The following SMIM31 variants were observed in gnomAD, a reference collection of about 807,000 sequenced individuals.
SMIM31 encodes human epithelial cell program regulator.
chr4:164,799,366 C>A (rs532271054), intron 2 of SMIM31, among the ~76,000 whole-genome samples: 2 of 152,028 alleles, frequency 1.3e-5, no homozygotes, highest in South Asian at 4.2e-4. Flanking sequence ...GCCTGGGCAA[C>A]AGAGCAAGCC....
chr4:164,776,243 A>G (rs556823371), intron 2 of SMIM31, among the ~76,000 whole-genome samples: 199 of 152,218 alleles, frequency 1.3e-3, no homozygotes, highest in African/African-American at 4.7e-3. Context: ...TTAATATTTC[A>G]CTAATTTGGT....
chr4:164,772,555 C>T (rs10002762), intron 2 of SMIM31, among the ~76,000 whole-genome samples: 110,687 of 151,262 alleles, frequency 0.73, 40,691 homozygotes, highest in East Asian at 0.96. Context: ...AGCAAGGACA[C>T]TGAAGTTTTA....
chr4:164,800,542 G>A (rs1237050603), intron 2 of SMIM31, among the ~76,000 whole-genome samples: 1 of 152,040 alleles, frequency 6.6e-6, no homozygotes, highest in Non-Finnish European at 1.5e-5. Context: ...ATATTAACTA[G>A]TGCCTAAGAA....
intron 2 of SMIM31, among the ~76,000 whole-genome samples, chr4:164,772,437 A>G (rs1732816959): frequency 6.6e-6 from 1 of 152,228 alleles, no homozygotes; most frequent in Non-Finnish European, 1.5e-5. Context: ...AACCGTTATC[A>G]GGAGCCTTCC....
Position 164,772,648 on chromosome 4 carries a change from G to C in SMIM31, c.112+2093G>C, listed in dbSNP as rs548973879. Among the ~76,000 whole-genome samples the C allele has an allele frequency of 8.7e-5, 13 of 150,074 alleles. No homozygotes were observed. The South Asian group carries it at 2.3e-3, about 27-fold the overall frequency. On this transcript the variant is annotated intron_variant, in intron 2 of 2. Coordinates refer to ENST00000507311, the MANE Select transcript of SMIM31 (RefSeq NM_001352885.1). ...GGCTGGAGTGCAGTGGCGCGATCTCGACTCACTGCAAGCTCCGCCTCCCGG... is the reference window on the plus strand; with the variant it reads ...GGCTGGAGTGCAGTGGCGCGATCTCCACTCACTGCAAGCTCCGCCTCCCGG...
intron 2 of SMIM31, among the ~76,000 whole-genome samples, chr4:164,770,916 T>C (rs957076189): frequency 2.0e-5 from 3 of 152,160 alleles, no homozygotes; most frequent in Admixed American, 1.3e-4. Context: ...ATGGTAACCA[T>C]AGTTACCATA....
At position 164,760,308 on chromosome 4, in the gene SMIM31, G is replaced by A. The variant is rs141633689; in HGVS notation, c.-26+5897G>A. ...ATCTTAAAATGCTGTCTTAAGGGTAGAAAGAAAAGCAAAGGGAGACATTGA... is the reference window on the plus strand; with the variant it reads ...ATCTTAAAATGCTGTCTTAAGGGTAAAAAGAAAAGCAAAGGGAGACATTGA... On this transcript the variant is annotated intron_variant, in intron 1 of 2. Coordinates refer to ENST00000507311, the MANE Select transcript of SMIM31 (RefSeq NM_001352885.1). Among the ~76,000 whole-genome samples, 26 of 152,290 alleles carry A rather than the reference G, an allele frequency of 1.7e-4. No individual in the cohort carries two copies. In the East Asian group the frequency reaches 5.0e-3, roughly 29 times the overall value.
chr4:164,792,609 G>A (rs181276724), intron 2 of SMIM31, among the ~76,000 whole-genome samples: 7 of 152,050 alleles, frequency 4.6e-5, no homozygotes, highest in East Asian at 1.9e-4. Flanking sequence ...TTAATTTTTT[G>A]TTTAACATTA....
chr4:164,797,227 TA>T (rs1391218395), intron 2 of SMIM31, among the ~76,000 whole-genome samples: 1 of 152,208 alleles, frequency 6.6e-6, no homozygotes, highest in Admixed American at 6.5e-5. Context: ...TGCAAAGTTT[TA>T]TTTTTTTATA....
chr4:164,771,681 C>T (rs934556346), intron 2 of SMIM31, among the ~76,000 whole-genome samples: 1 of 152,024 alleles, frequency 6.6e-6, no homozygotes, highest in African/African-American at 2.4e-5. Flanking sequence ...TGGTAGCACG[C>T]ACCTGTAGCT....
intron 2 of SMIM31, among the ~76,000 whole-genome samples, chr4:164,797,711 G>A (rs934142283): frequency 1.3e-4 from 19 of 151,958 alleles, no homozygotes; most frequent in African/African-American, 2.9e-4. Flanking sequence ...TGATCAGCCC[G>A]CCTAGGCCCC....
intron 1 of SMIM31, among the ~76,000 whole-genome samples, chr4:164,763,239 C>A (rs1732675516): frequency 6.6e-6 from 1 of 152,130 alleles, no homozygotes; most frequent in Admixed American, 6.5e-5. Context: ...AAAACACAAA[C>A]CCTTCCCTGA....
chr4:164,757,462 C>T (rs1334933337), intron 1 of SMIM31, among the ~76,000 whole-genome samples: 2 of 151,780 alleles, frequency 1.3e-5, no homozygotes, highest in Non-Finnish European at 2.9e-5. Context: ...TATTAATTTC[C>T]ATGTCCTATC....
chr4:164,797,486 CAG>C (rs1435132578), intron 2 of SMIM31, among the ~76,000 whole-genome samples: 1 of 113,522 alleles, frequency 8.8e-6, no homozygotes, highest in African/African-American at 3.5e-5. Flanking sequence ...TTTTTTGAGA[CAG>C]AGTCTCACTC....
At chr4:164,796,043 G>A (rs1733191013) in intron 2 of SMIM31, among the ~76,000 whole-genome samples, 2 of 152,130 alleles carry the variant, frequency 1.3e-5, no homozygotes, top group African/African-American at 4.8e-5. Context: ...TCCAGCTTAT[G>A]GGCTAATTCT....
At chr4:164,795,704 T>A (rs1733181772) in intron 2 of SMIM31, among the ~76,000 whole-genome samples, 4 of 152,114 alleles carry the variant, frequency 2.6e-5, no homozygotes, top group African/African-American at 9.7e-5. Flanking sequence ...AAATAAAGAT[T>A]GTATTTTTTT....
intron 2 of SMIM31, among the ~76,000 whole-genome samples, chr4:164,773,963 G>A (rs971246132): frequency 2.0e-5 from 3 of 151,950 alleles, no homozygotes; most frequent in South Asian, 2.1e-4. Flanking sequence ...TCAGGAGATC[G>A]AGACCATCCT....
chr4:164,792,187 C>A (rs1319740312), intron 2 of SMIM31, among the ~76,000 whole-genome samples: 2 of 152,132 alleles, frequency 1.3e-5, no homozygotes, highest in Admixed American at 1.3e-4. Flanking sequence ...TGGTGCTAGG[C>A]CACAGACTAC....
intron 1 of SMIM31, among the ~76,000 whole-genome samples, chr4:164,764,826 A>T (rs1732699039): frequency 6.6e-6 from 1 of 152,224 alleles, no homozygotes; most frequent in Non-Finnish European, 1.5e-5. Context: ...TCCCTCTCAT[A>T]AAAGGAGAAC....
Sources: gnomAD v4.1 joint callset for allele counts (sites outside exome capture counted in the v4.1 genomes callset) on GRCh38, gnomAD v4.1.1 for gene constraint, MANE v1.5 for transcripts, NCBI Gene and HGNC (gene_info 2026-07-23, HGNC 2026-07-21) for gene names.